The following MAST4 variants were observed in gnomAD, a reference collection of about 807,000 sequenced individuals.
MAST4 encodes microtubule associated serine/threonine kinase family member 4.
In MAST4, 89 loss-of-function variants were observed where a neutral mutation model predicts 162.7. The observed-to-expected ratio is 0.55, with a 90% CI of 0.46 to 0.65. The LOEUF (loss-of-function observed/expected upper bound fraction) is 0.65, where lower values mean the gene tolerates loss of function less well. Ranked by LOEUF, MAST4 falls within the 30% of genes least tolerant of loss-of-function variation. The probability of loss-of-function intolerance (pLI) is 0.00; values close to 1 mark genes in which losing one functional copy is unlikely to be tolerated. For missense variants in MAST4, 3,153 were observed against 3,374.0 expected, an observed-to-expected ratio of 0.93 and a Z score of 1.62; for synonymous variants, 1,479 against 1,361.1, an observed-to-expected ratio of 1.09 and a Z score of -1.91.
intron 4 of MAST4, among the ~76,000 whole-genome samples, chr5:66,908,333 C>T (rs1373537516): frequency 3.3e-5 from 5 of 151,848 alleles, no homozygotes; most frequent in Non-Finnish European, 5.9e-5. Context: ...TAGTTTTGTC[C>T]CAGGGGAGAG....
intron 4 of MAST4, among the ~76,000 whole-genome samples, chr5:66,937,021 G>A (rs1262882699): frequency 6.6e-6 from 1 of 152,056 alleles, no homozygotes; most frequent in East Asian, 1.9e-4. Flanking sequence ...ACTCTGCAAA[G>A]GACAAATTCC....
intron 25 of MAST4, among the ~76,000 whole-genome samples, chr5:67,153,236 G>T (rs1350711179): frequency 6.6e-6 from 1 of 151,418 alleles, no homozygotes; most frequent in African/African-American, 2.4e-5. Flanking sequence ...TTTCTTTGTG[G>T]CTCTGGTACT....
intron 3 of MAST4, among the ~76,000 whole-genome samples, chr5:66,877,041 T>A (rs1761351005): frequency 6.6e-6 from 1 of 152,024 alleles, no homozygotes; most frequent in African/African-American, 2.4e-5. Context: ...CGAATATCCA[T>A]CAGATATAGA....
At chr5:66,791,091 T>G (rs1169759361) in intron 3 of MAST4, among the ~76,000 whole-genome samples, 1 of 152,118 alleles carries the variant, frequency 6.6e-6, no homozygotes, top group Non-Finnish European at 1.5e-5. Flanking sequence ...TAGCACAGTC[T>G]TGGCTCACTG....
intron 3 of MAST4, among the ~76,000 whole-genome samples, chr5:66,874,689 T>C (rs1761175202): frequency 6.6e-6 from 1 of 152,192 alleles, no homozygotes; most frequent in African/African-American, 2.4e-5. Flanking sequence ...TTCGGTCTGC[T>C]GTAGGGCTTG....
At chr5:67,127,961 A>G (rs939184116) in intron 14 of MAST4, among the ~76,000 whole-genome samples, 13 of 152,328 alleles carry the variant, frequency 8.5e-5, no homozygotes, top group African/African-American at 2.2e-4. Context: ...CCAGACTTAC[A>G]ATATATTGTT....
At chr5:66,776,940 A>G (rs1452952107) in intron 2 of MAST4, among the ~76,000 whole-genome samples, 1 of 152,168 alleles carries the variant, frequency 6.6e-6, no homozygotes, top group Non-Finnish European at 1.5e-5. Context: ...CTGCTTGTGG[A>G]TTCAATGCCA....
At chr5:67,035,296 G>A (rs548684671) in intron 4 of MAST4, among the ~76,000 whole-genome samples, 9 of 152,186 alleles carry the variant, frequency 5.9e-5, no homozygotes, top group Admixed American at 5.2e-4. Flanking sequence ...AAACTGTACA[G>A]TCAGCATTCT....
intron 3 of MAST4, among the ~76,000 whole-genome samples, chr5:66,814,252 A>T (rs1181744221): frequency 6.6e-6 from 1 of 152,240 alleles, no homozygotes; most frequent in Non-Finnish European, 1.5e-5. Context: ...TTGGAAAAAT[A>T]AAGAATTGCT....
chr5:66,719,315 T>A (rs1183649800), intron 1 of MAST4, among the ~76,000 whole-genome samples: 1 of 152,206 alleles, frequency 6.6e-6, no homozygotes, highest in African/African-American at 2.4e-5. Flanking sequence ...TTTTTTCCCT[T>A]ACGAATCTTC....
chr5:66,875,714 A>G (rs1243344002), intron 3 of MAST4, among the ~76,000 whole-genome samples: 1 of 152,246 alleles, frequency 6.6e-6, no homozygotes, highest in Non-Finnish European at 1.5e-5. Context: ...TTGTTGAGGT[A>G]AAATGTCTGC....
intron 1 of MAST4, among the ~76,000 whole-genome samples, chr5:66,678,010 T>A (rs189585024): frequency 3.9e-5 from 6 of 152,302 alleles, no homozygotes; most frequent in African/African-American, 1.2e-4. Context: ...TTTGAGAATC[T>A]TCTTCTATAG....
chr5:66,986,561 A>G, intron 4 of MAST4: 1 of 749,680 alleles, frequency 1.3e-6, no homozygotes, highest in African/African-American at 1.9e-5. Context: ...CTGTCTTTCC[A>G]TATAGACATA....
At chr5:66,760,324 C>A (rs1475209164) in intron 2 of MAST4, among the ~76,000 whole-genome samples, 3 of 151,912 alleles carry the variant, frequency 2.0e-5, no homozygotes, top group Admixed American at 6.6e-5. Context: ...CCGTGTTGGC[C>A]AAGATGGTCG....
At chr5:66,630,507 A>G (rs1744726181) in intron 1 of MAST4, among the ~76,000 whole-genome samples, 1 of 152,044 alleles carries the variant, frequency 6.6e-6, no homozygotes, top group African/African-American at 2.4e-5. Context: ...AGGCAGCATA[A>G]ACAAAGTTGT....
rs139681099 is a variant in MAST4 at position 66,656,929 on chromosome 5, T to C, written c.363+59911T>C. On this transcript the variant is annotated intron_variant, in intron 1 of 28. Coordinates refer to ENST00000403625, the MANE Select transcript of MAST4 (RefSeq NM_001164664.2). ...ATGTAAGTTCAGATATTAGGTGTAGTGGTTTCATTTTTCCCAAGCAGAATT... is the reference window on the plus strand; with the variant it reads ...ATGTAAGTTCAGATATTAGGTGTAGCGGTTTCATTTTTCCCAAGCAGAATT... Among the ~76,000 whole-genome samples, 434 of 152,274 alleles carry C rather than the reference T, an allele frequency of 2.9e-3. 3 individuals are homozygous for C. Among genetic ancestry groups the C allele is most frequent in the African/African-American group, 9.7e-3 (402 of 41,564 alleles).
At chr5:66,760,156 G>T (rs1204784015) in intron 2 of MAST4, among the ~76,000 whole-genome samples, 2 of 151,074 alleles carry the variant, frequency 1.3e-5, no homozygotes, top group African/African-American at 2.4e-5. Context: ...CCGTTGCTAG[G>T]CTGGAGTGCA....
chr5:66,677,436 AAC>A (rs1748021079), intron 1 of MAST4, among the ~76,000 whole-genome samples: 1 of 152,142 alleles, frequency 6.6e-6, no homozygotes, highest in Non-Finnish European at 1.5e-5. Context: ...TCTGAGGGTA[AAC>A]ACTGCCAGAT....
rs1444308410 is a variant in MAST4, at chr5:67,100,534, A to G, written c.1012A>G (p.Ile338Val). 6.2e-7 allele frequency: 1 copy of G among 1,613,962 alleles called. No individual in the cohort carries two copies. Among genetic ancestry groups the G allele is most frequent in the Middle Eastern group, 1.7e-4 (1 of 6,060 alleles). ...LSKHFCTTESIATENRCRNTP... is the reference protein window; with the variant it reads ...LSKHFCTTESVATENRCRNTP... ...AAAACATTTCTGTACCACCGAAAGC[A>G]TCGCCACTGAGAACAGATGCAGGAA... The change falls in exon 8 of 29, where the codon ATC becomes GTC. Residue 338 changes from isoleucine (I) to valine (V), a missense_variant. Coordinates refer to ENST00000403625, the MANE Select transcript of MAST4 (RefSeq NM_001164664.2).
Sources: gnomAD v4.1 joint callset for allele counts (sites outside exome capture counted in the v4.1 genomes callset) on GRCh38, gnomAD v4.1.1 for gene constraint, MANE v1.5 for transcripts, NCBI Gene and HGNC (gene_info 2026-07-23, HGNC 2026-07-21) for gene names.